The following LRRK2 variants were observed in gnomAD, a reference collection of about 807,000 sequenced individuals.
LRRK2 encodes leucine-rich repeat serine/threonine-protein kinase 2.
Under a neutral mutation model 302.6 loss-of-function variants are expected in LRRK2, and 203 were observed. That is an observed-to-expected ratio of 0.67 (90% CI 0.60 to 0.75). The LOEUF is 0.75. Ranked by LOEUF, LRRK2 falls within the 30% of genes least tolerant of loss-of-function variation. The pLI is 0.00. For missense variants in LRRK2, 2,830 were observed against 2,951.0 expected, an observed-to-expected ratio of 0.96 and a Z score of 0.95; for synonymous variants, 1,066 against 1,031.9, an observed-to-expected ratio of 1.03 and a Z score of -0.63.
chr12:40,252,641 T>A (rs1179697727), intron 10 of LRRK2, among the ~76,000 whole-genome samples: 1 of 152,194 alleles, frequency 6.6e-6, no homozygotes, highest in Non-Finnish European at 1.5e-5. Context: ...TTTACCTTTT[T>A]CCTCAGCATC....
At chr12:40,309,749 A>C (rs1289969187) in intron 30 of LRRK2, among the ~76,000 whole-genome samples, 1 of 152,072 alleles carries the variant, frequency 6.6e-6, no homozygotes, top group Non-Finnish European at 1.5e-5. Flanking sequence ...TCCTTCAAAC[A>C]CTATGGCTTT....
At chr12:40,329,105 T>C (rs901673924) in intron 39 of LRRK2, among the ~76,000 whole-genome samples, 3 of 152,210 alleles carry the variant, frequency 2.0e-5, no homozygotes, top group African/African-American at 7.2e-5. Flanking sequence ...ACTGATAAGC[T>C]TGCACCTCTC....
At chr12:40,367,493 T>G (rs894638054) in intron 50 of LRRK2, 151 bp from the exon 51 acceptor site, 2 of 612,004 alleles carry the variant, frequency 3.3e-6, no homozygotes, top group Admixed American at 3.8e-5. Context: ...AGTATAGTTT[T>G]TTATAAATAA....
At chr12:40,253,106 T>C (rs1417155444) in intron 11 of LRRK2, 90 bp downstream of exon 11, 1 of 816,792 alleles carries the variant, frequency 1.2e-6, no homozygotes, top group Non-Finnish European at 2.1e-6. Context: ...AAAATTTACA[T>C]AATTTATAAA....
At chr12:40,273,037 T>C (rs750545339) in intron 14 of LRRK2, among the ~76,000 whole-genome samples, 21 of 152,196 alleles carry the variant, frequency 1.4e-4, no homozygotes, top group Non-Finnish European at 2.9e-4. Flanking sequence ...GTTTATTCCA[T>C]GGACAGAGCT....
intron 7 of LRRK2, 138 bp from the exon 8 acceptor site, chr12:40,249,688 A>G (rs1229692085): frequency 3.2e-6 from 3 of 943,446 alleles, no homozygotes; most frequent in Non-Finnish European, 4.8e-6. Flanking sequence ...ATATTAAGCT[A>G]TTTTAATTAA....
In LRRK2 at chr12:40,359,283, G is replaced by T. The variant is rs1452499166; in HGVS notation, c.6867G>T (p.Lys2289Asn). 3 of 1,611,268 alleles carry T rather than the reference G, an allele frequency of 1.9e-6. No homozygotes were observed. Among genetic ancestry groups the T allele is most frequent in the Non-Finnish European group, 2.5e-6 (3 of 1,178,680 alleles). The change falls in exon 47 of 51, where the codon AAG becomes AAT. Residue 2289 changes from lysine to asparagine, a missense_variant. Physicochemically the swap from Lys to Asn is moderately conservative, Grantham distance 94. This residue lies in a region of LRRK2 where 456 missense variants were observed against 456.3 expected (regional missense o/e 1.00). Transcript: ENST00000298910. ...AGCTTAAAGGAGCTGCTCCTTTGAA[G>T]ATACTAAATATAGGAAATGTCAGTA... ...TVKLKGAAPL[K>N]ILNIGNVSTP... is the part of the protein sequence containing the mutation.
At chr12:40,302,656 A>T in intron 25 of LRRK2, 133 bp from the exon 26 acceptor site, 1 of 701,384 alleles carries the variant, frequency 1.4e-6, no homozygotes, top group Admixed American at 2.4e-5. Context: ...TTAAAAGTGG[A>T]TTTTTAAAAA....
intron 4 of LRRK2, among the ~76,000 whole-genome samples, chr12:40,236,583 G>A (rs554463183): frequency 6.6e-6 from 1 of 152,286 alleles, no homozygotes; most frequent in South Asian, 2.1e-4. Flanking sequence ...TTCCTTCCAT[G>A]TAGGGGAGGG....
At chr12:40,306,161 T>C (rs1944816096) in intron 28 of LRRK2, among the ~76,000 whole-genome samples, 195 bp downstream of exon 28, 1 of 152,204 alleles carries the variant, frequency 6.6e-6, no homozygotes, top group Non-Finnish European at 1.5e-5. Context: ...TTCTCATTCT[T>C]CTTAGCCAGA....
chr12:40,259,719 G>A, intron 13 of LRRK2, 115 bp downstream of exon 13: 1 of 1,358,518 alleles, frequency 7.4e-7, no homozygotes, highest in Admixed American at 1.8e-5. Context: ...TCGACTAAAT[G>A]TAAATCTTTC....
chr12:40,308,181 A>T (rs906934332), intron 28 of LRRK2, among the ~76,000 whole-genome samples: 2 of 152,154 alleles, frequency 1.3e-5, no homozygotes, highest in African/African-American at 4.8e-5. Context: ...TGCATATCGT[A>T]TTCTAATTAG....
At position 40,274,656 on chromosome 12, in the gene LRRK2, T is replaced by C; in HGVS notation, c.1730T>C (p.Leu577Ser). 1 of 1,613,980 alleles carries C rather than the reference T, an allele frequency of 6.2e-7. No homozygotes were observed. The highest frequency in any genetic ancestry group is 8.5e-7 in the Non-Finnish European group (1 of 1,179,884). ...ISSIVHFPDA[L>S]EMLSLEGAMD... ...TCTATTGTACATTTTCCTGATGCATTAGAGATGTTATCCCTGGAAGGTGCT... is the reference window on the plus strand; with the variant it reads ...TCTATTGTACATTTTCCTGATGCATCAGAGATGTTATCCCTGGAAGGTGCT... The change falls in exon 15 of 51, where the codon TTA becomes TCA. Residue 577 changes from leucine (L) to serine (S), a missense_variant. This residue lies in a region of LRRK2 where 2,121 missense variants were observed against 2,148.0 expected (regional missense o/e 0.99). Transcript: ENST00000298910.
chr12:40,266,571 A>C (rs1263026775), intron 14 of LRRK2, among the ~76,000 whole-genome samples: 1 of 152,170 alleles, frequency 6.6e-6, no homozygotes, highest in African/African-American at 2.4e-5. Flanking sequence ...AAACTAGTTC[A>C]ACCATTGTGG....
chr12:40,316,025 T>G (rs1441006860), intron 33 of LRRK2, among the ~76,000 whole-genome samples: 1 of 152,026 alleles, frequency 6.6e-6, no homozygotes, highest in Non-Finnish European at 1.5e-5. Flanking sequence ...AGTAGTATCC[T>G]CTAGCTGTGA....
chr12:40,336,947 T>G (rs879938194), intron 40 of LRRK2, among the ~76,000 whole-genome samples: 2 of 152,230 alleles, frequency 1.3e-5, no homozygotes, highest in Admixed American at 6.5e-5. Context: ...CGAAACACCT[T>G]ATCTCTAAAA....
chr12:40,306,314 G>A (rs1242273979), intron 28 of LRRK2, among the ~76,000 whole-genome samples: 1 of 152,018 alleles, frequency 6.6e-6, no homozygotes, highest in Non-Finnish European at 1.5e-5. Context: ...TTCTCACACT[G>A]TATTTCATAT....
intron 7 of LRRK2, among the ~76,000 whole-genome samples, chr12:40,249,418 G>A (rs1216032923): frequency 1.3e-5 from 2 of 151,424 alleles, no homozygotes; most frequent in East Asian, 3.9e-4. Flanking sequence ...AAAGAAGAGT[G>A]TTTCAGTAAA....
rs200697712 is a variant in LRRK2 at position 40,278,147 on chromosome 12, A to C, written c.2127A>C (p.Lys709Asn). The stretch of plus-strand genomic sequence containing the variant: ...AAGTAGCTATGGATGATTACTTAAA[A>C]AATGTGATGCTAGAGAGAGCGTGTG... ...FAKVAMDDYL[K>N]NVMLERACDQ... is the part of the protein sequence containing the mutation. The change falls in exon 18 of 51, where the codon AAA (lysine) becomes AAC (asparagine). Residue 709 changes from lysine to asparagine, a missense_variant. Around this residue, in one of 3 missense-constraint regions of LRRK2, gnomAD observed 2,121 missense variants for 2,148.0 expected, o/e 0.99. Coordinates refer to ENST00000298910, the MANE Select transcript of LRRK2 (RefSeq NM_198578.4). The C allele has an allele frequency of 5.6e-6, 9 of 1,614,156 alleles. No individual in the cohort carries two copies. The highest frequency in any genetic ancestry group is 1.7e-6 in the Non-Finnish European group (2 of 1,180,016).
Sources: allele counts gnomAD v4.1 joint callset (sites outside exome capture counted in the v4.1 genomes callset), GRCh38; gene constraint gnomAD v4.1.1; regional missense constraint gnomAD v4.1.1; transcripts MANE v1.5; gene names NCBI Gene and HGNC (gene_info 2026-07-23, HGNC 2026-07-21).